Variants in ELOVL6 observed in about 807,000 individuals in gnomAD.
ELOVL6 encodes ELOVL fatty acid elongase 6.
Under a neutral mutation model 31.7 loss-of-function variants are expected in ELOVL6, and 8 were observed. The ratio of observed to expected loss-of-function variants is 0.25; its 90% confidence interval spans 0.15 to 0.45. The LOEUF is 0.45. Among genes scored for constraint, ELOVL6 ranks in the 20% least tolerant of loss-of-function variants. ELOVL6 has a pLI of 1.00. For synonymous variants in ELOVL6, 101 were observed against 117.7 expected (o/e 0.86, Z 0.92); for missense variants, 126 against 326.4 (o/e 0.39, Z 4.73).
chr4:110,134,818 G>A (rs934824785), intron 1 of ELOVL6, among the ~76,000 whole-genome samples: 1 of 152,004 alleles, frequency 6.6e-6, no homozygotes, highest in African/African-American at 2.4e-5. Context: ...AAATTAGCTG[G>A]GCTGGTTATG....
At chr4:110,154,473 G>A (rs142523485) in intron 1 of ELOVL6, among the ~76,000 whole-genome samples, 5,572 of 152,062 alleles carry the variant, frequency 0.037, 330 homozygotes, top group African/African-American at 0.13. Context: ...CAGGCTGGTC[G>A]TGAACTCCTG....
At chr4:110,164,820 T>C (rs1758726023) in intron 1 of ELOVL6, among the ~76,000 whole-genome samples, 1 of 151,768 alleles carries the variant, frequency 6.6e-6, no homozygotes, top group Non-Finnish European at 1.5e-5. Flanking sequence ...TTATTTCTGA[T>C]GAAAGAATTT....
At chr4:110,117,899 AAAAAATATAT>A (rs1414378364) in intron 1 of ELOVL6, 1 of 5,310 alleles carries the variant, frequency 1.9e-4, no homozygotes, top group Non-Finnish European at 3.4e-4. Flanking sequence ...AAAAAAAAAA[AAAAAATATAT>A]ATATATATAT....
intron 1 of ELOVL6, among the ~76,000 whole-genome samples, chr4:110,172,979 G>A (rs1758998325): frequency 6.6e-6 from 1 of 152,106 alleles, no homozygotes; most frequent in African/African-American, 2.4e-5. Flanking sequence ...ATGCCTATGT[G>A]GATTCTCATA....
intron 2 of ELOVL6, among the ~76,000 whole-genome samples, chr4:110,081,042 G>A (rs1443629538): frequency 6.6e-6 from 1 of 152,158 alleles, no homozygotes; most frequent in Non-Finnish European, 1.5e-5. Flanking sequence ...CAAGGGATGT[G>A]AAGGACCTCT....
chr4:110,068,954 C>T (rs1170031447), intron 2 of ELOVL6, among the ~76,000 whole-genome samples: 1 of 152,042 alleles, frequency 6.6e-6, no homozygotes, highest in Non-Finnish European at 1.5e-5. Context: ...ACTGGCTTGG[C>T]TAACATGGCG....
rs1440187209 is a variant in ELOVL6, at chr4:110,046,054, A to G, written c.*5284T>C. 3 of 152,210 alleles carry G rather than the reference A, an allele frequency of 2.0e-5. No homozygotes were observed. The highest frequency in any genetic ancestry group is 7.2e-5 in the African/African-American group (3 of 41,444). 9.4% of individuals were successfully genotyped at this position (152,210 alleles called of 1,614,324 possible). ...TGAATCTTCCAGTGGTTTTCAAGAT[A>G]GCAGCAAGCAACCTCCTGCCTGAAT... On this transcript the variant is annotated 3_prime_UTR_variant, in exon 4 of 4. Transcript: ENST00000302274.
At chr4:110,193,772 C>G (rs2126283091) in intron 1 of ELOVL6, among the ~76,000 whole-genome samples, 1 of 151,836 alleles carries the variant, frequency 6.6e-6, no homozygotes, top group East Asian at 1.9e-4. Context: ...ACAAGTAAAC[C>G]CTTTTACACC....
At chr4:110,082,357 A>G (rs1755887494) in intron 2 of ELOVL6, among the ~76,000 whole-genome samples, 1 of 152,018 alleles carries the variant, frequency 6.6e-6, no homozygotes, top group African/African-American at 2.4e-5. Flanking sequence ...ATGTCCAACA[A>G]TGATAGACTG....
intron 1 of ELOVL6, among the ~76,000 whole-genome samples, chr4:110,171,137 G>A (rs1758930750): frequency 6.6e-6 from 1 of 152,240 alleles, no homozygotes. Flanking sequence ...GCCAGGCGCT[G>A]TGGCTCATGC....
chr4:110,171,587 G>A (rs2126273627), intron 1 of ELOVL6, among the ~76,000 whole-genome samples: 1 of 151,950 alleles, frequency 6.6e-6, no homozygotes, highest in South Asian at 2.1e-4. Context: ...GTTACTGGAG[G>A]GTGGTGCACG....
upstream of ELOVL6, chr4:110,198,742 G>C (rs1278567485): frequency 5.8e-6 from 1 of 173,410 alleles, no homozygotes; most frequent in Non-Finnish European, 1.2e-5. Flanking sequence ...CCGCCCGGGG[G>C]GGACAGTTTT....
At chr4:110,134,277 A>G (rs1757749001) in intron 1 of ELOVL6, among the ~76,000 whole-genome samples, 1 of 152,134 alleles carries the variant, frequency 6.6e-6, no homozygotes, top group African/African-American at 2.4e-5. Context: ...TGCATAATTG[A>G]TGTCTGTTTC....
chr4:110,084,063 TAA>T (rs1491438354), intron 2 of ELOVL6, among the ~76,000 whole-genome samples: 3 of 116,706 alleles, frequency 2.6e-5, no homozygotes, highest in African/African-American at 8.4e-5. Context: ...ATATGATATA[TAA>T]CATATATATG....
chr4:110,056,532 A>G (rs62325292), intron 3 of ELOVL6, among the ~76,000 whole-genome samples: 1,757 of 152,210 alleles, frequency 0.012, 14 homozygotes, highest in Non-Finnish European at 0.017. Flanking sequence ...CCATATTTTA[A>G]AATGTTAAAA....
intron 2 of ELOVL6, among the ~76,000 whole-genome samples, chr4:110,076,645 G>C (rs891818003): frequency 6.6e-6 from 1 of 152,218 alleles, no homozygotes; most frequent in Non-Finnish European, 1.5e-5. Context: ...CCAGTCTACA[G>C]CTCCCAGTGT....
intron 2 of ELOVL6, among the ~76,000 whole-genome samples, chr4:110,084,919 A>T (rs1238423887): frequency 6.6e-6 from 1 of 152,000 alleles, no homozygotes; most frequent in East Asian, 1.9e-4. Context: ...AATAGCAAGG[A>T]AGAAAAGAAG....
intron 1 of ELOVL6, among the ~76,000 whole-genome samples, chr4:110,196,356 G>C (rs1759782247): frequency 6.6e-6 from 1 of 152,168 alleles, no homozygotes; most frequent in South Asian, 2.1e-4. Context: ...TGACAAACAT[G>C]TGCGGAGAAG....
At chr4:110,110,625 G>C (rs1303919148) in intron 1 of ELOVL6, among the ~76,000 whole-genome samples, 4 of 151,924 alleles carry the variant, frequency 2.6e-5, no homozygotes, top group Admixed American at 2.6e-4. Context: ...CCAACTCCTG[G>C]ACTGAAGCAA....
Sources: allele counts gnomAD v4.1 joint callset (sites outside exome capture counted in the v4.1 genomes callset), GRCh38; gene constraint gnomAD v4.1.1; transcripts MANE v1.5; gene names NCBI Gene and HGNC (gene_info 2026-07-23, HGNC 2026-07-21).